Variants in CYP4F2 observed in about 807,000 individuals in gnomAD.
CYP4F2 encodes cytochrome P450 family 4 subfamily F member 2, also known as cytochrome P450 4F2.
In CYP4F2, 58 loss-of-function variants were observed where a neutral mutation model predicts 58.9. The observed-to-expected ratio is 0.98, with a 90% confidence interval of 0.80 to 1.23. The LOEUF is 1.23. Among genes scored for constraint, CYP4F2 ranks in the 50% most tolerant of loss-of-function variants. CYP4F2 has a pLI of 0.00. For synonymous variants in CYP4F2, 287 were observed against 261.1 expected (o/e 1.10, Z -0.95); for missense variants, 616 against 685.6 (o/e 0.90, Z 1.13).
At chr19:15,893,820 A>T (rs543475756) in intron 3 of CYP4F2, 1 of 251,596 alleles carries the variant, frequency 4.0e-6, no homozygotes, top group Non-Finnish European at 8.6e-6. Context: ...CCAGCAGCCC[A>T]TATCCCCAAA....
rs1453507604 is a variant in CYP4F2 at position 15,879,894 on chromosome 19, G to A, written c.1119C>T (p.Asp373=). The change falls in exon 10 of 13, where the codon GAC becomes GAT. Residue 373 remains aspartate, a synonymous_variant. Transcript: ENST00000221700. ...TCAGGAAGGGCAAATGGGCCAGGTCGTCCCTAAGGAAACACCCCAGCCCCA... is the reference window on the plus strand; with the variant it reads ...TCAGGAAGGGCAAATGGGCCAGGTCATCCCTAAGGAAACACCCCAGCCCCA... ...KDREPKEIEW[D]DLAHLPFLTM... is the part of the protein sequence containing the mutation. The A allele has an allele frequency of 5.6e-6, 9 of 1,614,090 alleles. No homozygotes were observed. Among genetic ancestry groups the A allele is most frequent in the East Asian group, 2.2e-5 (1 of 44,864 alleles).
chr19:15,895,436 C>A (rs1043491063), intron 3 of CYP4F2, 70 bp downstream of exon 3: 2 of 1,450,348 alleles, frequency 1.4e-6, no homozygotes, highest in African/African-American at 3.0e-5. Context: ...GCAGGGCCCA[C>A]ACAGGAGCTT....
At chr19:15,879,583 A>G (rs1267955557) in intron 11 of CYP4F2, 21 bp downstream of exon 11, 1 of 1,613,724 alleles carries the variant, frequency 6.2e-7, no homozygotes, top group Admixed American at 1.7e-5. Flanking sequence ...ATGGACAAAA[A>G]CAGAGAGAGG....
chr19:15,879,313 C>G, intron 12 of CYP4F2, 33 bp downstream of exon 12: 1 of 1,612,018 alleles, frequency 6.2e-7, no homozygotes. Flanking sequence ...CACCCATCAA[C>G]CCGTTCCCAC....
intron 9 of CYP4F2, among the ~76,000 whole-genome samples, chr19:15,881,285 ATATT>A (rs1599347945): frequency 6.6e-6 from 1 of 152,226 alleles, no homozygotes; most frequent in African/African-American, 2.4e-5. Context: ...AAGGAATAAA[ATATT>A]TAGCATTCAG....
At chr19:15,880,415 T>A (rs1402235597) in intron 9 of CYP4F2, among the ~76,000 whole-genome samples, 1 of 151,900 alleles carries the variant, frequency 6.6e-6, no homozygotes, top group Non-Finnish European at 1.5e-5. Context: ...GATCACAACA[T>A]GAGGAGATCG....
chr19:15,895,166 G>A lies in CYP4F2; in HGVS notation c.343+340C>T, dbSNP rs115918527. 1.7e-3 allele frequency among the ~76,000 whole-genome samples: 263 copies of A among 152,276 alleles called. 2 individuals are homozygous for A. Among genetic ancestry groups the A allele is most frequent in the African/African-American group, 5.5e-3 (229 of 41,560 alleles). ...CAGCAGAGACCTTGTTCTTCCCTGG[G>A]CTGTGATCCATCTCCCTCTGGCCCT... On this transcript the variant is annotated intron_variant, in intron 3 of 12. Transcript: ENST00000221700.
rs112223269 is a variant in CYP4F2 at position 15,883,801 on chromosome 19, C to T, written c.1115+2123G>A. Among the ~76,000 whole-genome samples the T allele has an allele frequency of 6.0e-4, 92 of 152,284 alleles. 1 individual carries two copies. The highest frequency in any genetic ancestry group is 6.8e-3 in the Middle Eastern group (2 of 294). ...GGCGGCCGGGTGCGGTGGCTCATGC[C>T]TGTAATCCCAGCACTTTGGGAGGCC... On this transcript the variant is annotated intron_variant, in intron 9 of 12. Transcript: ENST00000221700.
chr19:15,897,333 T>TAACCCCCC, intron 2 of CYP4F2, 81 bp downstream of exon 2: 1 of 1,233,868 alleles, frequency 8.1e-7, no homozygotes, highest in East Asian at 2.7e-5. Flanking sequence ...GCCCACCCCT[T>TAACCCCCC]CACCCCCACT....
At chr19:15,893,109 C>T (rs901481697) in intron 3 of CYP4F2, among the ~76,000 whole-genome samples, 11 of 152,174 alleles carry the variant, frequency 7.2e-5, no homozygotes, top group African/African-American at 1.4e-4. Flanking sequence ...ATCTTAAAAG[C>T]GTGTTCCACA....
chr19:15,897,885 G>A (rs1054088361), intron 1 of CYP4F2, 141 bp downstream of exon 1: 28 of 369,950 alleles, frequency 7.6e-5, no homozygotes, highest in African/African-American at 5.2e-4. Flanking sequence ...ATCACTGTGA[G>A]GTTGCCAGGG....
chr19:15,887,403 C>A (rs886190158), intron 7 of CYP4F2, among the ~76,000 whole-genome samples: 6 of 151,362 alleles, frequency 4.0e-5, no homozygotes. Flanking sequence ...GACTTAGAAA[C>A]ACAGACACAC....
chr19:15,879,078 A>G, intron 12 of CYP4F2, 142 bp from the exon 13 acceptor site: 1 of 1,376,928 alleles, frequency 7.3e-7, no homozygotes, highest in Non-Finnish European at 9.8e-7. Context: ...CTGGATCCCC[A>G]TGCGGGCTTG....
chr19:15,879,893 C>G lies in CYP4F2; in HGVS notation c.1120G>C (p.Asp374His). 6.2e-7 allele frequency: 1 copy of G among 1,614,138 alleles called. No homozygotes were observed. Among genetic ancestry groups the G allele is most frequent in the African/African-American group, 1.3e-5 (1 of 75,048 alleles). Reference protein sequence around the residue: ...DREPKEIEWDDLAHLPFLTMC... With the variant: ...DREPKEIEWDHLAHLPFLTMC... ...GTCAGGAAGGGCAAATGGGCCAGGT[C>G]GTCCCTAAGGAAACACCCCAGCCCC... Residue 374 changes from aspartate (D) to histidine (H), a missense_variant, in exon 10 of 13, where the codon GAC (aspartate) becomes CAC (histidine). Asp to His is a moderately conservative substitution (Grantham distance 81, BLOSUM62 -1). Coordinates refer to ENST00000221700, the MANE Select transcript of CYP4F2 (RefSeq NM_001082.5).
At position 15,879,710 on chromosome 19, in the gene CYP4F2, C is replaced by G. The variant is rs756766475; in HGVS notation, c.1250-42G>C. ...AGCAGTCAGGAGAAGGCCTCCTTCACTGAGGGGCCCCTCTTCCTACCCAGG... is the reference window on the plus strand; with the variant it reads ...AGCAGTCAGGAGAAGGCCTCCTTCAGTGAGGGGCCCCTCTTCCTACCCAGG... On this transcript the variant is annotated intron_variant, in intron 10 of 12. Transcript: ENST00000221700. The G allele has an allele frequency of 3.1e-6, 5 of 1,613,790 alleles. No individual in the cohort carries two copies. In the East Asian group the frequency reaches 6.7e-5, roughly 22 times the overall value.
intron 9 of CYP4F2, among the ~76,000 whole-genome samples, chr19:15,884,478 G>A (rs2089363861): frequency 6.6e-6 from 1 of 152,144 alleles, no homozygotes; most frequent in Admixed American, 6.5e-5. Flanking sequence ...GTTAGCTTAT[G>A]TTAGTTATGT....
intron 3 of CYP4F2, among the ~76,000 whole-genome samples, chr19:15,893,434 C>G (rs1191423981): frequency 1.3e-5 from 2 of 152,172 alleles, no homozygotes; most frequent in Admixed American, 6.5e-5. Flanking sequence ...CCAAACTTGA[C>G]CAGCTCTACA....
intron 3 of CYP4F2, 82 bp downstream of exon 3, chr19:15,895,424 C>T (rs2089441613): frequency 7.0e-7 from 1 of 1,431,736 alleles, no homozygotes; most frequent in African/African-American, 1.5e-5. Flanking sequence ...GGCCAGAGTA[C>T]TGCAGGGCCC....
intron 9 of CYP4F2, among the ~76,000 whole-genome samples, chr19:15,881,565 GGATAGATAGATAGATAGATA>G (rs59240008): frequency 0.57 from 85,411 of 149,866 alleles, 25,324 homozygotes; most frequent in South Asian, 0.67. Context: ...GATAGATGAT[GGATAGATAGATAGATAGATA>G]GATAGATAGA....
Sources: allele counts gnomAD v4.1 joint callset (sites outside exome capture counted in the v4.1 genomes callset), GRCh38; gene constraint gnomAD v4.1.1; transcripts MANE v1.5; gene names NCBI Gene and HGNC (gene_info 2026-07-23, HGNC 2026-07-21).